Variants in CABCOCO1 observed in about 807,000 individuals in gnomAD.
CABCOCO1 encodes the protein ciliary-associated calcium-binding coiled-coil protein 1.
In CABCOCO1, 28 loss-of-function variants were observed where a neutral mutation model predicts 35.7. The observed-to-expected ratio is 0.78, with a 90% CI of 0.58 to 1.07. The LOEUF (loss-of-function observed/expected upper bound fraction) is 1.07, where lower values mean the gene tolerates loss of function less well. Ranked by LOEUF, CABCOCO1 falls within the 50% of genes least tolerant of loss-of-function variation. The pLI, the probability that CABCOCO1 is intolerant of heterozygous loss-of-function variation, is 0.00. For missense variants in CABCOCO1, 326 were observed against 309.2 expected, an observed-to-expected ratio of 1.05 and a Z score of -0.41; for synonymous variants, 95 against 100.1, an observed-to-expected ratio of 0.95 and a Z score of 0.30.
intron 5 of CABCOCO1, among the ~76,000 whole-genome samples, chr10:61,749,659 T>C (rs1487823891): frequency 2.0e-5 from 3 of 152,212 alleles, no homozygotes; most frequent in Non-Finnish European, 4.4e-5. Flanking sequence ...TCCTCACATA[T>C]AAACTAGAGA....
At chr10:61,675,753 T>C (rs1308372352) in intron 2 of CABCOCO1, among the ~76,000 whole-genome samples, 1 of 151,472 alleles carries the variant, frequency 6.6e-6, no homozygotes, top group Non-Finnish European at 1.5e-5. Context: ...TGGTAAAATA[T>C]ATAAAGAAGA....
chr10:61,710,541 G>A (rs1188467710), intron 5 of CABCOCO1, among the ~76,000 whole-genome samples: 2 of 151,896 alleles, frequency 1.3e-5, no homozygotes, highest in Non-Finnish European at 2.9e-5. Flanking sequence ...TATGAAAAAT[G>A]CTTCATCCAA....
At chr10:61,763,879 C>T (rs1234173620) in intron 7 of CABCOCO1, among the ~76,000 whole-genome samples, 3 of 151,830 alleles carry the variant, frequency 2.0e-5, no homozygotes, top group Non-Finnish European at 4.4e-5. Flanking sequence ...CAAGGAAACA[C>T]GGCTAATGAC....
At chr10:61,719,920 C>CAAAAAAAA in intron 5 of CABCOCO1, among the ~76,000 whole-genome samples, 1 of 87,980 alleles carries the variant, frequency 1.1e-5, no homozygotes, top group Non-Finnish European at 2.3e-5. Context: ...GACTCCATCT[C>CAAAAAAAA]AAAAAAAAAA....
intron 5 of CABCOCO1, among the ~76,000 whole-genome samples, chr10:61,695,353 C>T (rs1417984847): frequency 6.6e-6 from 1 of 150,746 alleles, no homozygotes; most frequent in Non-Finnish European, 1.5e-5. Context: ...AACACAGAAA[C>T]TGGGTAAGAG....
chr10:61,698,956 T>C (rs1051378147), intron 5 of CABCOCO1, among the ~76,000 whole-genome samples: 1 of 152,112 alleles, frequency 6.6e-6, no homozygotes, highest in Non-Finnish European at 1.5e-5. Context: ...CTCTTCAGTT[T>C]ACCCTTGAGA....
chr10:61,746,096 G>A (rs2132074039), intron 5 of CABCOCO1, among the ~76,000 whole-genome samples: 1 of 152,258 alleles, frequency 6.6e-6, no homozygotes, highest in African/African-American at 2.4e-5. Flanking sequence ...GCTCTTTCTG[G>A]CTCTGGCCAG....
chr10:61,685,951 A>G (rs1839944767), intron 3 of CABCOCO1, 90 bp from the exon 4 acceptor site: 5 of 1,136,304 alleles, frequency 4.4e-6, no homozygotes, highest in Non-Finnish European at 6.1e-6. Flanking sequence ...TAACAAAGTA[A>G]ATTTTGGCAC....
intron 2 of CABCOCO1, among the ~76,000 whole-genome samples, chr10:61,679,329 C>CTATATCTATTTCTATCTA (rs60971419): frequency 2.8e-5 from 4 of 142,758 alleles, no homozygotes; most frequent in African/African-American, 7.7e-5. Context: ...ATATCTATAT[C>CTATATCTATTTCTATCTA]TATCTATATC....
intron 6 of CABCOCO1, 52 bp from the exon 7 acceptor site, chr10:61,760,811 T>C: frequency 6.5e-7 from 1 of 1,546,712 alleles, no homozygotes; most frequent in Non-Finnish European, 8.7e-7. Flanking sequence ...TCCATATAAA[T>C]CACCGAATGC....
At chr10:61,677,040 G>A (rs1839532827) in intron 2 of CABCOCO1, among the ~76,000 whole-genome samples, 1 of 142,364 alleles carries the variant, frequency 7.0e-6, no homozygotes, top group South Asian at 2.3e-4. Flanking sequence ...CTCCAGCCTG[G>A]GCAAAAAGAG....
intron 5 of CABCOCO1, among the ~76,000 whole-genome samples, chr10:61,707,331 T>C (rs1840618039): frequency 6.6e-6 from 1 of 152,144 alleles, no homozygotes; most frequent in Non-Finnish European, 1.5e-5. Flanking sequence ...AAGAGTCTGC[T>C]AGGCTGCTAG....
At chr10:61,700,933 A>G (rs1387300453) in intron 5 of CABCOCO1, among the ~76,000 whole-genome samples, 1 of 63,604 alleles carries the variant, frequency 1.6e-5, no homozygotes, top group African/African-American at 7.0e-5. Context: ...ATGTATATGT[A>G]TACATATACA....
rs1589143365 is a variant in CABCOCO1 at position 61,727,506 on chromosome 10, T to C, written c.553-32553T>C. On this transcript the variant is annotated intron_variant, in intron 5 of 7. Transcript: ENST00000648843. ...ATAATCAAACCCCTTATACACAGAA[T>C]TTCTCTCCTGTAAAAGAAGAAAAAA... 2.0e-5 allele frequency among the ~76,000 whole-genome samples: 3 copies of C among 152,258 alleles called. No individual in the cohort carries two copies. The South Asian group carries it at 6.2e-4, about 32-fold the overall frequency.
chr10:61,724,441 C>T (rs1841095287), intron 5 of CABCOCO1, among the ~76,000 whole-genome samples: 1 of 152,136 alleles, frequency 6.6e-6, no homozygotes. Context: ...CATTGTAGCA[C>T]AATAAAGAGT....
At chr10:61,667,265 A>G (rs1839216303) in intron 1 of CABCOCO1, among the ~76,000 whole-genome samples, 2 of 149,644 alleles carry the variant, frequency 1.3e-5, no homozygotes, top group Non-Finnish European at 3.0e-5. Context: ...ACATATACAC[A>G]TATTTATCTC....
At chr10:61,718,491 C>T (rs1840921753) in intron 5 of CABCOCO1, among the ~76,000 whole-genome samples, 1 of 152,048 alleles carries the variant, frequency 6.6e-6, no homozygotes, top group Admixed American at 6.6e-5. Flanking sequence ...AATAATTTTG[C>T]ATATGCATAA....
chr10:61,764,140 G>A (rs1325681273), intron 7 of CABCOCO1, among the ~76,000 whole-genome samples: 2 of 152,054 alleles, frequency 1.3e-5, no homozygotes, highest in Admixed American at 6.6e-5. Context: ...AACAGAAACT[G>A]GTAGATGATA....
At chr10:61,669,291 G>T (rs1451174102) in intron 1 of CABCOCO1, among the ~76,000 whole-genome samples, 1 of 151,882 alleles carries the variant, frequency 6.6e-6, no homozygotes, top group Non-Finnish European at 1.5e-5. Flanking sequence ...ACATTATCTG[G>T]CAGATAATAT....
Sources: gnomAD v4.1 joint callset for allele counts (sites outside exome capture counted in the v4.1 genomes callset) on GRCh38, gnomAD v4.1.1 for gene constraint, MANE v1.5 for transcripts, NCBI Gene and HGNC (gene_info 2026-07-23, HGNC 2026-07-21) for gene names.